COL22A1: variants seen among roughly 807,000 people sequenced by gnomAD.
COL22A1 encodes collagen alpha-1(XXII) chain.
In COL22A1, 221 loss-of-function variants were observed where a neutral mutation model predicts 248.9. The ratio of observed to expected loss-of-function variants is 0.89; its 90% CI spans 0.80 to 0.99. The LOEUF (loss-of-function observed/expected upper bound fraction) is 0.99. COL22A1 is among the 50% of genes least tolerant of loss of function. The pLI, the probability that COL22A1 is intolerant of heterozygous loss-of-function variation, is 0.00. For missense variants in COL22A1, 2,240 were observed against 2,179.0 expected (o/e 1.03, Z -0.56); for synonymous variants, 891 against 793.4 (o/e 1.12, Z -2.07).
At chr8:138,646,275 C>G (rs1822196576) in intron 47 of COL22A1, among the ~76,000 whole-genome samples, 1 of 152,168 alleles carries the variant, frequency 6.6e-6, no homozygotes, top group Admixed American at 6.5e-5. Context: ...TCATATCATT[C>G]CATTTTAACA....
intron 23 of COL22A1, among the ~76,000 whole-genome samples, chr8:138,733,523 G>A (rs1046057244): frequency 6.6e-6 from 1 of 152,152 alleles, no homozygotes; most frequent in Non-Finnish European, 1.5e-5. Flanking sequence ...GAATAGACAC[G>A]ATTATATATG....
chr8:138,734,110 C>T lies in COL22A1; in HGVS notation c.2139+3414G>A, dbSNP rs116467389. Among the ~76,000 whole-genome samples the T allele has an allele frequency of 2.8e-3, 419 of 152,358 alleles. 1 individual carries two copies. Among genetic ancestry groups the T allele is most frequent in the African/African-American group, 9.7e-3 (403 of 41,580 alleles). ...GCCTTTCACCCTTTCTGCCTCCAAA[C>T]TGCCTCTGTTGCTCCCCGAAAGCTC... is the stretch of plus-strand genomic sequence containing the variant. On this transcript the variant is annotated intron_variant, in intron 23 of 64. Coordinates refer to ENST00000303045, the MANE Select transcript of COL22A1 (RefSeq NM_152888.3).
At chr8:138,890,841 C>T (rs934934388) in intron 1 of COL22A1, among the ~76,000 whole-genome samples, 4 of 151,332 alleles carry the variant, frequency 2.6e-5, no homozygotes, top group Non-Finnish European at 5.9e-5. Flanking sequence ...GGTGAAACCT[C>T]GTCTCTACAA....
At chr8:138,649,540 T>G in intron 46 of COL22A1, 125 bp downstream of exon 46, 1 of 1,482,302 alleles carries the variant, frequency 6.7e-7, no homozygotes. Flanking sequence ...GTACTCCTCA[T>G]CTATCTTGAA....
At chr8:138,887,198 C>T (rs1198599112) in intron 1 of COL22A1, among the ~76,000 whole-genome samples, 1 of 151,768 alleles carries the variant, frequency 6.6e-6, no homozygotes, top group Admixed American at 6.6e-5. Context: ...CCTAGCCCCT[C>T]ACTATCCTTC....
intron 53 of COL22A1, among the ~76,000 whole-genome samples, chr8:138,618,592 A>G (rs149927222): frequency 6.6e-6 from 1 of 152,198 alleles, no homozygotes; most frequent in Non-Finnish European, 1.5e-5. Flanking sequence ...GGGATTTAAG[A>G]GAACAGAAAA....
At chr8:138,687,417 T>A (rs560943046) in intron 37 of COL22A1, among the ~76,000 whole-genome samples, 14 of 152,344 alleles carry the variant, frequency 9.2e-5, no homozygotes, top group Admixed American at 2.0e-4. Flanking sequence ...TCTCCTCGTG[T>A]TAAATTATGC....
chr8:138,712,968 C>A (rs962360022), intron 30 of COL22A1, among the ~76,000 whole-genome samples: 3 of 152,114 alleles, frequency 2.0e-5, no homozygotes, highest in African/African-American at 4.8e-5. Flanking sequence ...ACTGTCAGAG[C>A]AAATGGACGT....
chr8:138,742,466 A>C (rs1228974984), intron 22 of COL22A1, among the ~76,000 whole-genome samples: 1 of 150,012 alleles, frequency 6.7e-6, no homozygotes, highest in Non-Finnish European at 1.5e-5. Flanking sequence ...AGTGATTGTG[A>C]TGGTGATGGT....
chr8:138,745,189 T>C (rs1452805777), intron 22 of COL22A1, among the ~76,000 whole-genome samples: 1 of 143,390 alleles, frequency 7.0e-6, no homozygotes, highest in East Asian at 1.9e-4. Flanking sequence ...TACCAACTTT[T>C]CTTTTTTTTT....
Position 138,613,720 on chromosome 8 carries a change from TA to T in COL22A1, c.3978+146del, listed in dbSNP as rs1281261341. On this transcript the variant is annotated intron_variant, in intron 56 of 64. Transcript: ENST00000303045. ...GTTGGGGGAGGTGACTAGGGGGACT[TA>T]GGGGGGCAGCTATTTACCAACTGCT... is the stretch of plus-strand genomic sequence containing the variant. 2.7e-5 allele frequency: 21 copies of T among 769,688 alleles called. No homozygotes were observed. In the Admixed American group the frequency reaches 3.8e-4, roughly 14 times the overall value. 47.7% of individuals were successfully genotyped at this position (769,688 alleles called of 1,614,324 possible).
chr8:138,720,690 G>C (rs1829804778), intron 27 of COL22A1, 49 bp downstream of exon 27: 1 of 1,470,022 alleles, frequency 6.8e-7, no homozygotes, highest in Non-Finnish European at 9.5e-7. Flanking sequence ...ACCCCAAATA[G>C]ACCACTCAGA....
intron 6 of COL22A1, among the ~76,000 whole-genome samples, chr8:138,822,053 G>GTT (rs1371854571): frequency 6.6e-6 from 1 of 151,952 alleles, no homozygotes. Flanking sequence ...GTTTTGTTTT[G>GTT]TTTTGTTTTG....
intron 41 of COL22A1, among the ~76,000 whole-genome samples, chr8:138,668,995 G>A (rs951404681): frequency 2.0e-5 from 3 of 152,192 alleles, no homozygotes; most frequent in African/African-American, 7.2e-5. Flanking sequence ...ACGCAAAGAG[G>A]AGAAGTCAGA....
At chr8:138,859,062 G>T (rs1000862332) in intron 3 of COL22A1, among the ~76,000 whole-genome samples, 3 of 152,202 alleles carry the variant, frequency 2.0e-5, no homozygotes, top group African/African-American at 7.2e-5. Context: ...AGCTGAATGA[G>T]CCCAGAATGC....
chr8:138,808,648 T>C (rs1320374652), intron 9 of COL22A1, among the ~76,000 whole-genome samples: 1 of 152,188 alleles, frequency 6.6e-6, no homozygotes, highest in Non-Finnish European at 1.5e-5. Context: ...ACGATTAATA[T>C]AATTTTATAG....
At chr8:138,817,753 G>C (rs1818790698) in intron 7 of COL22A1, among the ~76,000 whole-genome samples, 1 of 152,176 alleles carries the variant, frequency 6.6e-6, no homozygotes, top group Non-Finnish European at 1.5e-5. Context: ...TGTTCATGAT[G>C]ACGCATTTAT....
intron 1 of COL22A1, among the ~76,000 whole-genome samples, chr8:138,900,537 G>T (rs1245618599): frequency 6.6e-6 from 1 of 152,288 alleles, no homozygotes; most frequent in East Asian, 1.9e-4. Flanking sequence ...TTAAGAAGAG[G>T]CTGCATGCCA....
At chr8:138,782,783 G>A (rs150215696) in intron 12 of COL22A1, among the ~76,000 whole-genome samples, 2,139 of 151,884 alleles carry the variant, frequency 0.014, 25 homozygotes, top group Middle Eastern at 0.027. Context: ...GGGCTTCCTG[G>A]TACTGTCCGT....
Sources: gnomAD v4.1 joint callset for allele counts (sites outside exome capture counted in the v4.1 genomes callset) on GRCh38, gnomAD v4.1.1 for gene constraint, MANE v1.5 for transcripts, NCBI Gene and HGNC (gene_info 2026-07-23, HGNC 2026-07-21) for gene names.